Variants in SPACA7 observed in about 807,000 individuals in gnomAD.
The protein encoded by SPACA7 is sperm acrosome associated 7.
A neutral mutation model predicts 26.3 loss-of-function variants in SPACA7; 19 were observed. The observed-to-expected ratio is 0.72, with a 90% confidence interval of 0.50 to 1.06. SPACA7 has a LOEUF of 1.06. Among genes scored for constraint, SPACA7 ranks in the 50% least tolerant of loss-of-function variants. The pLI is 0.00. For missense variants in SPACA7, 211 were observed against 229.9 expected (o/e 0.92, Z 0.53); for synonymous variants, 84 against 84.5 (o/e 0.99, Z 0.04).
intron 5 of SPACA7, among the ~76,000 whole-genome samples, chr13:112,407,624 T>C (rs1200448589): frequency 1.3e-5 from 2 of 151,938 alleles, no homozygotes; most frequent in African/African-American, 4.8e-5. Context: ...CTAGAAGAAA[T>C]GGATAAATTC....
intron 5 of SPACA7, among the ~76,000 whole-genome samples, chr13:112,424,559 G>A (rs1034238426): frequency 2.0e-5 from 3 of 152,152 alleles, no homozygotes; most frequent in African/African-American, 4.8e-5. Flanking sequence ...CCTGAAATTC[G>A]AACCCTGCTT....
intron 5 of SPACA7, among the ~76,000 whole-genome samples, chr13:112,419,161 GC>G (rs1886868066): frequency 6.6e-6 from 1 of 152,154 alleles, no homozygotes; most frequent in Admixed American, 6.5e-5. Flanking sequence ...CAAAAAAGAG[GC>G]AAGCCTACCA....
chr13:112,396,452 G>C lies in SPACA7; in HGVS notation c.152-1597G>C, dbSNP rs372340180. ...TGTTACTGCTGACCTGCTGTGCCTG[G>C]TCACGGCTGTAGAATGCTGCCTCCT... On this transcript the variant is annotated intron_variant, in intron 2 of 6. Transcript: ENST00000283550. Among the ~76,000 whole-genome samples, 166 of 152,156 alleles carry C rather than the reference G, an allele frequency of 1.1e-3. 1 individual carries two copies. Among genetic ancestry groups the C allele is most frequent in the African/African-American group, 3.4e-3 (140 of 41,432 alleles).
At position 112,414,790 on chromosome 13, in the gene SPACA7, G is replaced by A. The variant is rs965498976; in HGVS notation, c.445+13626G>A. ...CTCAGTCTTAAAGTCACACATCTTC[G>A]TATCTCTAGGGTTGGCTAATGGTGC... On this transcript the variant is annotated intron_variant, in intron 5 of 6. Coordinates refer to ENST00000283550, the MANE Select transcript of SPACA7 (RefSeq NM_145248.5). 1.2e-4 allele frequency among the ~76,000 whole-genome samples: 19 copies of A among 152,230 alleles called. No individual in the cohort carries two copies. In the South Asian group the frequency reaches 1.7e-3, roughly 13 times the overall value.
intron 5 of SPACA7, among the ~76,000 whole-genome samples, chr13:112,404,661 G>T (rs932690877): frequency 6.9e-6 from 1 of 144,310 alleles, no homozygotes; most frequent in East Asian, 2.1e-4. Context: ...AGCACCATTT[G>T]TTGAATAGGG....
intron 1 of SPACA7, chr13:112,382,201 G>T (rs938229701): frequency 1.1e-5 from 5 of 454,960 alleles, no homozygotes; most frequent in Admixed American, 4.0e-5. Flanking sequence ...TCTTGCAAAC[G>T]TGGTTTCAAT....
chr13:112,388,466 G>T (rs1884673237), intron 1 of SPACA7, among the ~76,000 whole-genome samples: 1 of 152,186 alleles, frequency 6.6e-6, no homozygotes, highest in African/African-American at 2.4e-5. Flanking sequence ...TGCAAATTGG[G>T]TTGGCAGTGC....
chr13:112,426,063 ATTGAG>A (rs1239248606), intron 5 of SPACA7, among the ~76,000 whole-genome samples: 1 of 152,188 alleles, frequency 6.6e-6, no homozygotes, highest in East Asian at 1.9e-4. Context: ...AAATGCTTGT[ATTGAG>A]TTAATTTGCA....
intron 5 of SPACA7, among the ~76,000 whole-genome samples, chr13:112,406,433 C>T (rs1885991940): frequency 6.6e-6 from 1 of 152,144 alleles, no homozygotes; most frequent in South Asian, 2.1e-4. Context: ...AATTTTCTCT[C>T]TTTTTAAGGC....
rs151157547 is a variant in SPACA7 at position 112,419,828 on chromosome 13, C to A, written c.446-12616C>A. On this transcript the variant is annotated intron_variant, in intron 5 of 6. Transcript: ENST00000283550. ...CATCACAGGCCTAGCAGGGAGTAAC[C>A]AGTGAAGGGAGTATATCCCCTGAGG... Among the ~76,000 whole-genome samples, 65 of 152,268 alleles carry A rather than the reference C, an allele frequency of 4.3e-4. 1 individual carries two copies. The highest frequency in any genetic ancestry group is 1.5e-3 in the African/African-American group (64 of 41,556).
chr13:112,382,894 C>G (rs1884173138), intron 1 of SPACA7, among the ~76,000 whole-genome samples: 1 of 151,784 alleles, frequency 6.6e-6, no homozygotes, highest in African/African-American at 2.4e-5. Flanking sequence ...GAGGCTGAGG[C>G]AGGAGAATCA....
intron 5 of SPACA7, among the ~76,000 whole-genome samples, chr13:112,416,077 C>T (rs1274266447): frequency 6.6e-6 from 1 of 151,790 alleles, no homozygotes; most frequent in Non-Finnish European, 1.5e-5. Flanking sequence ...GGCAATACTA[C>T]ACTGTCCTTC....
intron 1 of SPACA7, among the ~76,000 whole-genome samples, chr13:112,381,336 T>A (rs1396371892): frequency 2.0e-5 from 3 of 151,724 alleles, no homozygotes; most frequent in East Asian, 3.9e-4. Flanking sequence ...CCAAAAAAAA[T>A]GCAGAAATTA....
chr13:112,420,541 AG>A (rs907351322), intron 5 of SPACA7, among the ~76,000 whole-genome samples: 6 of 149,262 alleles, frequency 4.0e-5, no homozygotes, highest in African/African-American at 1.5e-4. Flanking sequence ...GGGAAAAAAA[AG>A]AATGAAAAAA....
intron 5 of SPACA7, among the ~76,000 whole-genome samples, chr13:112,413,243 GC>G (rs1886465420): frequency 6.6e-6 from 1 of 152,090 alleles, no homozygotes. Flanking sequence ...CTTCTTTTCA[GC>G]CTTTCTTGTA....
At chr13:112,393,950 C>T (rs926143557) in intron 2 of SPACA7, among the ~76,000 whole-genome samples, 1 of 151,362 alleles carries the variant, frequency 6.6e-6, no homozygotes, top group Non-Finnish European at 1.5e-5. Context: ...CGCAGCATTG[C>T]CCTCCTGCCT....
At chr13:112,412,671 T>C (rs540482774) in intron 5 of SPACA7, among the ~76,000 whole-genome samples, 5 of 152,212 alleles carry the variant, frequency 3.3e-5, no homozygotes, top group Admixed American at 3.3e-4. Context: ...TTCTTCTGCA[T>C]ATGAATGTCC....
At chr13:112,434,020 G>A (rs1877476371) in intron 6 of SPACA7, among the ~76,000 whole-genome samples, 1 of 152,164 alleles carries the variant, frequency 6.6e-6, no homozygotes, top group African/African-American at 2.4e-5. Context: ...TGAAGCTCCT[G>A]TACGTCACCA....
At chr13:112,379,040 A>G (rs986706417) in intron 1 of SPACA7, among the ~76,000 whole-genome samples, 13 of 152,254 alleles carry the variant, frequency 8.5e-5, no homozygotes, top group African/African-American at 3.1e-4. Flanking sequence ...GCCTAAGAGA[A>G]ACCGGAAGCA....
Sources: gnomAD v4.1 joint callset for allele counts (sites outside exome capture counted in the v4.1 genomes callset) on GRCh38, gnomAD v4.1.1 for gene constraint, MANE v1.5 for transcripts, NCBI Gene and HGNC (gene_info 2026-07-23, HGNC 2026-07-21) for gene names.